The following AHR variants were observed in gnomAD, a reference collection of about 807,000 sequenced individuals.
AHR encodes the protein AH-receptor.
A neutral mutation model predicts 86.8 loss-of-function variants in AHR; 40 were observed. The observed-to-expected ratio is 0.46, with a 90% confidence interval of 0.36 to 0.60. The LOEUF is 0.60. Ranked by LOEUF, AHR falls within the 20% of genes least tolerant of loss-of-function variation. The pLI is 0.00. For missense variants in AHR, 1,001 were observed against 1,011.6 expected (o/e 0.99, Z 0.14); for synonymous variants, 398 against 354.9 (o/e 1.12, Z -1.37).
At chr7:17,322,919 A>C (rs1203124338) in intron 3 of AHR, among the ~76,000 whole-genome samples, 1 of 152,102 alleles carries the variant, frequency 6.6e-6, no homozygotes, top group African/African-American at 2.4e-5. Context: ...AATTGCCTAC[A>C]GTATTCAGTA....
intron 10 of AHR, among the ~76,000 whole-genome samples, chr7:17,340,483 TAATATA>T (rs1298003803): frequency 6.6e-6 from 1 of 152,130 alleles, no homozygotes; most frequent in Non-Finnish European, 1.5e-5. Context: ...AATGTGTCCT[TAATATA>T]AGATGACCTA....
intron 1 of AHR, among the ~76,000 whole-genome samples, chr7:17,303,728 A>C (rs976145075): frequency 3.9e-5 from 6 of 152,070 alleles, no homozygotes; most frequent in African/African-American, 1.4e-4. Context: ...TGTAAATTTT[A>C]ATGCAAATTT....
chr7:17,299,417 C>T, intron 1 of AHR, 88 bp downstream of exon 1: 3 of 1,451,904 alleles, frequency 2.1e-6, no homozygotes, highest in South Asian at 2.5e-5. Flanking sequence ...CCCCAAATCC[C>T]TGCGATCCTG....
intron 1 of AHR, among the ~76,000 whole-genome samples, chr7:17,306,886 G>A (rs1397239815): frequency 6.6e-6 from 1 of 152,056 alleles, no homozygotes. Context: ...CTTTTGGTCA[G>A]CAAACATTAA....
rs752804971 is a variant in AHR, at chr7:17,340,220, T to C, written c.2395T>C (p.Leu799=). 1.2e-6 allele frequency: 2 copies of C among 1,607,244 alleles called. No homozygotes were observed. The highest frequency in any genetic ancestry group is 4.5e-5 in the East Asian group (2 of 44,754). ...AGTACTGCCAGGCCAACAGGCATTT[T>C]TAAACAAGGTAAGGGTGTTATCAAA... ...NPVLPGQQAF[L]NKFQNGVLNE... Residue 799 remains leucine (L), a synonymous_variant, in exon 10 of 11, where the codon TTA becomes CTA. Transcript: ENST00000242057.
At chr7:17,321,274 G>A (rs911051623) in intron 2 of AHR, among the ~76,000 whole-genome samples, 1 of 151,920 alleles carries the variant, frequency 6.6e-6, no homozygotes, top group Non-Finnish European at 1.5e-5. Flanking sequence ...GCTACTGTTT[G>A]TTGAACAGTA....
intron 3 of AHR, among the ~76,000 whole-genome samples, chr7:17,324,618 T>C (rs1782209055): frequency 6.6e-6 from 1 of 152,044 alleles, no homozygotes; most frequent in African/African-American, 2.4e-5. Context: ...CTGGCCAACA[T>C]AGGGAAACCC....
At chr7:17,335,022 G>T in intron 8 of AHR, 26 bp downstream of exon 8, 1 of 1,556,980 alleles carries the variant, frequency 6.4e-7, no homozygotes. Flanking sequence ...TTATGAACAT[G>T]TCAGAAGAAA....
intron 1 of AHR, among the ~76,000 whole-genome samples, chr7:17,304,403 T>C (rs560145699): frequency 6.6e-6 from 1 of 152,310 alleles, no homozygotes; most frequent in East Asian, 1.9e-4. Context: ...CTTCCTGTTC[T>C]ATGCTATTAT....
chr7:17,329,119 A>G (rs372725335), intron 4 of AHR, among the ~76,000 whole-genome samples: 1 of 151,928 alleles, frequency 6.6e-6, no homozygotes, highest in African/African-American at 2.4e-5. Context: ...AAGAATATTC[A>G]TATCTGACGC....
intron 1 of AHR, among the ~76,000 whole-genome samples, chr7:17,301,648 GTTGAATTTATTAAGAAAAATCAAC>G (rs1257856620): frequency 1.3e-5 from 2 of 151,782 alleles, no homozygotes; most frequent in Non-Finnish European, 2.9e-5. Flanking sequence ...TCAATCTTGA[GTTGAATTTATTAAGAAAAATCAAC>G]CCCCCCTAGT....
chr7:17,326,658 G>T (rs1293819102), intron 3 of AHR, among the ~76,000 whole-genome samples: 2 of 152,124 alleles, frequency 1.3e-5, no homozygotes, highest in African/African-American at 4.8e-5. Flanking sequence ...TCTACCTGAT[G>T]AAGTGCCAGT....
intron 2 of AHR, among the ~76,000 whole-genome samples, chr7:17,316,665 A>C (rs539411332): frequency 6.6e-6 from 1 of 152,294 alleles, no homozygotes; most frequent in South Asian, 2.1e-4. Flanking sequence ...AAGAACCTTA[A>C]TGAATTGTAC....
In AHR at chr7:17,298,992, C is replaced by T; in HGVS notation, c.-273C>T. On this transcript the variant is annotated 5_prime_UTR_variant, in exon 1 of 11. Coordinates refer to ENST00000242057, the MANE Select transcript of AHR (RefSeq NM_001621.5). ...CCGCCTCCGCCGGTGTAGACGGCAC[C>T]TGCGCCGCCTTGCTCGCGGGTCTCC... The T allele has an allele frequency of 2.2e-6, 1 of 461,800 alleles. No homozygotes were observed. Among genetic ancestry groups the T allele is most frequent in the Non-Finnish European group, 3.8e-6 (1 of 266,552 alleles). The allele number at this position is 461,800 out of a possible 1,614,324, so 28.6% of individuals were successfully genotyped here. A position where few individuals can be genotyped will look rare whatever the true frequency, so the allele number is the denominator to read the frequency against.
At chr7:17,301,348 T>C (rs1781953129) in intron 1 of AHR, among the ~76,000 whole-genome samples, 1 of 152,036 alleles carries the variant, frequency 6.6e-6, no homozygotes, top group African/African-American at 2.4e-5. Flanking sequence ...TTAAACCTAG[T>C]ATTAAATTTG....
At chr7:17,322,410 A>G (rs1022104749) in intron 2 of AHR, 91 bp from the exon 3 acceptor site, 15 of 789,412 alleles carry the variant, frequency 1.9e-5, no homozygotes, top group Admixed American at 5.4e-5. Flanking sequence ...CAGTATTTCA[A>G]ATTGTCTTTG....
rs1782444302 is a variant in AHR at position 17,343,138 on chromosome 7, A to G, written c.*74A>G. The G allele has an allele frequency of 1.3e-6, 2 of 1,543,412 alleles. No homozygotes were observed. Among genetic ancestry groups the G allele is most frequent in the Admixed American group, 1.7e-5 (1 of 57,974 alleles). ...AGGATTATGGAAAAATAAAACTGTC[A>G]CTGTTGGACGTCAGCAAGTTCACAT... On this transcript the variant is annotated 3_prime_UTR_variant, in exon 11 of 11. Transcript: ENST00000242057.
chr7:17,312,828 A>C (rs751786052), intron 2 of AHR, among the ~76,000 whole-genome samples: 11 of 152,208 alleles, frequency 7.2e-5, no homozygotes, highest in Non-Finnish European at 1.5e-4. Flanking sequence ...AAAGCTTTTT[A>C]AAATGCAAAT....
intron 10 of AHR, among the ~76,000 whole-genome samples, chr7:17,340,629 T>G (rs191856252): frequency 1.3e-5 from 2 of 152,232 alleles, no homozygotes; most frequent in Admixed American, 6.5e-5. Context: ...ATTGCAATTT[T>G]TAAGAATAAT....
Sources: gnomAD v4.1 joint callset for allele counts (sites outside exome capture counted in the v4.1 genomes callset) on GRCh38, gnomAD v4.1.1 for gene constraint, MANE v1.5 for transcripts, NCBI Gene and HGNC (gene_info 2026-07-23, HGNC 2026-07-21) for gene names.